LRRC28: variants seen among roughly 807,000 people sequenced by gnomAD.
LRRC28 encodes the protein leucine rich repeat containing 28.
Under a neutral mutation model 45.7 loss-of-function variants are expected in LRRC28, and 39 were observed. The ratio of observed to expected loss-of-function variants is 0.85; its 90% confidence interval spans 0.66 to 1.12. The LOEUF is 1.12. Among genes scored for constraint, LRRC28 ranks in the 50% most tolerant of loss-of-function variants. The pLI is 0.00. For missense variants in LRRC28, 435 were observed against 438.5 expected (o/e 0.99, Z 0.07); for synonymous variants, 206 against 178.8 (o/e 1.15, Z -1.22).
rs547564270 is a variant in LRRC28 at position 99,369,005 on chromosome 15, A to G, written c.1031+5740A>G. Among the ~76,000 whole-genome samples the G allele has an allele frequency of 2.3e-4, 35 of 152,340 alleles. No individual in the cohort carries two copies. In the South Asian group the frequency reaches 5.8e-3, roughly 25 times the overall value. On this transcript the variant is annotated intron_variant, in intron 9 of 9. Coordinates refer to ENST00000301981, the MANE Select transcript of LRRC28 (RefSeq NM_144598.5). ...TTATCACTTACAAATTCTGCTTTCC[A>G]TCCAACAGAACACAATTCACTCAAG...
intron 5 of LRRC28, among the ~76,000 whole-genome samples, chr15:99,320,370 A>G (rs1251852256): frequency 6.6e-6 from 1 of 152,154 alleles, no homozygotes; most frequent in Admixed American, 6.6e-5. Flanking sequence ...CTCTTATAAT[A>G]TGGACAGTTG....
chr15:99,267,878 T>C (rs1425882443), intron 2 of LRRC28, among the ~76,000 whole-genome samples: 1 of 152,220 alleles, frequency 6.6e-6, no homozygotes, highest in Non-Finnish European at 1.5e-5. Flanking sequence ...TCACATGTCA[T>C]AATGACTTTC....
intron 9 of LRRC28, among the ~76,000 whole-genome samples, chr15:99,380,162 G>A (rs1362881395): frequency 1.3e-5 from 2 of 152,174 alleles, no homozygotes; most frequent in Admixed American, 1.3e-4. Context: ...TTATTATTGT[G>A]TGGGAGTCTA....
rs1481918290 is a variant in LRRC28 at position 99,343,197 on chromosome 15, A to G, written c.592+9068A>G. On this transcript the variant is annotated intron_variant, in intron 6 of 9. Transcript: ENST00000301981. ...TAATTTATTTTGATTGATTGCTTTG[A>G]TGTTGTTGTTTCTTTTGCCCCATCA... is the stretch of plus-strand genomic sequence containing the variant. 1.2e-4 allele frequency among the ~76,000 whole-genome samples: 18 copies of G among 152,274 alleles called. No homozygotes were observed. In the South Asian group the frequency reaches 1.2e-3, roughly 11 times the overall value.
At chr15:99,280,522 G>A (rs947962711) in intron 3 of LRRC28, among the ~76,000 whole-genome samples, 28 of 151,206 alleles carry the variant, frequency 1.9e-4, no homozygotes, top group African/African-American at 5.6e-4. Flanking sequence ...TTATCAGCAC[G>A]TTCATGATAT....
chr15:99,353,440 G>C (rs1956949954), intron 7 of LRRC28, among the ~76,000 whole-genome samples: 2 of 152,190 alleles, frequency 1.3e-5, no homozygotes. Flanking sequence ...AACTTATGCA[G>C]CTGTCTTGGG....
At chr15:99,270,865 T>G (rs2081459432) in intron 2 of LRRC28, among the ~76,000 whole-genome samples, 1 of 152,220 alleles carries the variant, frequency 6.6e-6, no homozygotes, top group Non-Finnish European at 1.5e-5. Flanking sequence ...CTGAGCCATT[T>G]TACATTACCG....
chr15:99,308,655 A>G (rs1323050938), intron 5 of LRRC28, among the ~76,000 whole-genome samples: 1 of 152,242 alleles, frequency 6.6e-6, no homozygotes, highest in African/African-American at 2.4e-5. Flanking sequence ...CCTGGGCAAT[A>G]GAGTGGGACC....
chr15:99,350,831 G>A (rs1165454338), intron 6 of LRRC28, among the ~76,000 whole-genome samples: 1 of 152,074 alleles, frequency 6.6e-6, no homozygotes, highest in African/African-American at 2.4e-5. Flanking sequence ...GTCAGGGTCT[G>A]GCTCTGTTGC....
chr15:99,367,231 T>G (rs567235942), intron 9 of LRRC28, among the ~76,000 whole-genome samples: 17 of 152,346 alleles, frequency 1.1e-4, no homozygotes, highest in African/African-American at 4.1e-4. Context: ...TTTGTTAGAG[T>G]GGCTCACAGA....
At chr15:99,288,955 T>C (rs1442658701) in intron 5 of LRRC28, among the ~76,000 whole-genome samples, 2 of 152,150 alleles carry the variant, frequency 1.3e-5, no homozygotes, top group African/African-American at 4.8e-5. Flanking sequence ...GTTGGGATTA[T>C]AGGTGTGAGC....
intron 2 of LRRC28, among the ~76,000 whole-genome samples, chr15:99,272,307 G>A (rs1042016579): frequency 2.6e-5 from 4 of 152,168 alleles, no homozygotes; most frequent in Admixed American, 6.5e-5. Flanking sequence ...AACGTCCACC[G>A]TCTGGTGGTC....
intron 5 of LRRC28, among the ~76,000 whole-genome samples, chr15:99,291,119 T>C (rs1235687849): frequency 6.6e-6 from 1 of 152,238 alleles, no homozygotes; most frequent in Non-Finnish European, 1.5e-5. Context: ...ACTTCTAATG[T>C]CATTGACTGC....
At chr15:99,349,281 C>T (rs980694075) in intron 6 of LRRC28, among the ~76,000 whole-genome samples, 2 of 151,932 alleles carry the variant, frequency 1.3e-5, no homozygotes, top group Non-Finnish European at 2.9e-5. Flanking sequence ...TTTTTATCTT[C>T]TAGTCTTAGA....
chr15:99,297,879 A>G (rs894059870), intron 5 of LRRC28, among the ~76,000 whole-genome samples: 1 of 152,168 alleles, frequency 6.6e-6, no homozygotes, highest in East Asian at 1.9e-4. Flanking sequence ...TAGGATAAAA[A>G]TGACTGTTGA....
At chr15:99,286,962 T>G (rs2081974072) in intron 3 of LRRC28, 1 of 228,200 alleles carries the variant, frequency 4.4e-6, no homozygotes, top group Non-Finnish European at 8.5e-6. Context: ...AACTAGTAAT[T>G]TGTGTTATGA....
chr15:99,376,377 T>C (rs1231037387), intron 9 of LRRC28, among the ~76,000 whole-genome samples: 2 of 152,212 alleles, frequency 1.3e-5, no homozygotes, highest in African/African-American at 4.8e-5. Flanking sequence ...TAAACTTAAA[T>C]TGTTCTTCAT....
intron 1 of LRRC28, 83 bp from the exon 2 acceptor site, chr15:99,255,815 A>C: frequency 1.4e-6 from 1 of 725,220 alleles, no homozygotes; most frequent in East Asian, 2.9e-5. Context: ...AGTGTCTTCA[A>C]GTGGCTCTGT....
intron 5 of LRRC28, among the ~76,000 whole-genome samples, chr15:99,325,949 TAGA>T (rs1217339614): frequency 1.3e-5 from 2 of 152,092 alleles, no homozygotes; most frequent in Non-Finnish European, 2.9e-5. Flanking sequence ...GGGGTGAGAA[TAGA>T]AGAAGACGAC....
Sources: allele counts gnomAD v4.1 joint callset (sites outside exome capture counted in the v4.1 genomes callset), GRCh38; gene constraint gnomAD v4.1.1; transcripts MANE v1.5; gene names NCBI Gene and HGNC (gene_info 2026-07-23, HGNC 2026-07-21).